Variants in RBFOX1 observed in about 807,000 individuals in gnomAD.
RBFOX1 encodes the protein RNA binding protein fox-1 homolog 1.
RBFOX1 carries 8 observed loss-of-function variants against 57.7 expected under a neutral mutation model. That is an observed-to-expected ratio of 0.14 (90% CI 0.08 to 0.25). The LOEUF is 0.25. Ranked by LOEUF, RBFOX1 falls within the 10% of genes least tolerant of loss-of-function variation. The probability of loss-of-function intolerance (pLI) is 1.00; values close to 1 mark genes in which losing one functional copy is unlikely to be tolerated. For missense variants in RBFOX1, 611 were observed against 548.5 expected (o/e 1.11, Z -1.14); for synonymous variants, 326 against 222.4 (o/e 1.47, Z -4.15).
intron 4 of RBFOX1, among the ~76,000 whole-genome samples, chr16:7,390,332 C>T (rs543852606): frequency 6.6e-6 from 1 of 152,252 alleles, no homozygotes; most frequent in Admixed American, 6.5e-5. Context: ...AGAGAGAATA[C>T]ATTATAATAA....
At chr16:5,672,967 G>T (rs910453102) in intron 3 of RBFOX1, among the ~76,000 whole-genome samples, 1 of 151,894 alleles carries the variant, frequency 6.6e-6, no homozygotes, top group Non-Finnish European at 1.5e-5. Flanking sequence ...AGGGAGCTTG[G>T]GGTTGGGTCA....
At chr16:6,256,953 A>G (rs1177402490) in intron 1 of RBFOX1, among the ~76,000 whole-genome samples, 1 of 152,260 alleles carries the variant, frequency 6.6e-6, no homozygotes, top group East Asian at 1.9e-4. Flanking sequence ...TGTGCACCCC[A>G]AAGCGTAAAC....
intron 2 of RBFOX1, among the ~76,000 whole-genome samples, chr16:6,623,224 A>T (rs2098258740): frequency 1.3e-5 from 2 of 152,086 alleles, no homozygotes; most frequent in Admixed American, 1.3e-4. Context: ...TCAATTTGAG[A>T]TTATCTGGGA....
At chr16:7,422,183 T>C (rs2098549456) in intron 4 of RBFOX1, among the ~76,000 whole-genome samples, 1 of 152,094 alleles carries the variant, frequency 6.6e-6, no homozygotes, top group Non-Finnish European at 1.5e-5. Flanking sequence ...CGTGTGCTTG[T>C]GCGAGTGAGA....
chr16:6,450,827 A>ACG (rs2094594312), intron 2 of RBFOX1, among the ~76,000 whole-genome samples: 1 of 35,842 alleles, frequency 2.8e-5, no homozygotes, highest in African/African-American at 1.4e-4. Context: ...ACATATATAT[A>ACG]TATATATATG....
intron 3 of RBFOX1, among the ~76,000 whole-genome samples, chr16:6,766,875 G>A (rs1040527694): frequency 6.6e-6 from 1 of 152,016 alleles, no homozygotes; most frequent in Non-Finnish European, 1.5e-5. Context: ...TGATGGAACA[G>A]CAAGTAAAAA....
chr16:7,292,086 A>G (rs951600528), intron 4 of RBFOX1, among the ~76,000 whole-genome samples: 1 of 136,880 alleles, frequency 7.3e-6, no homozygotes, highest in Admixed American at 7.9e-5. Flanking sequence ...TATATGATGT[A>G]TAATATATAA....
At chr16:6,413,228 A>AAG (rs1271287207) in intron 2 of RBFOX1, among the ~76,000 whole-genome samples, 1 of 151,822 alleles carries the variant, frequency 6.6e-6, no homozygotes, top group Non-Finnish European at 1.5e-5. Context: ...CTGAGGCATG[A>AAG]AGATCACTTG....
intron 1 of RBFOX1, among the ~76,000 whole-genome samples, chr16:6,064,904 C>A (rs2095739598): frequency 6.6e-6 from 1 of 151,934 alleles, no homozygotes; most frequent in Admixed American, 6.6e-5. Context: ...CATTTCAGAT[C>A]TCAAGACATG....
chr16:5,440,598 T>C (rs1040370292), intron 1 of RBFOX1, among the ~76,000 whole-genome samples: 2 of 152,210 alleles, frequency 1.3e-5, no homozygotes, highest in African/African-American at 4.8e-5. Context: ...GTCAATATTT[T>C]ATCCCTGTGA....
intron 1 of RBFOX1, among the ~76,000 whole-genome samples, chr16:5,389,905 C>T (rs2151416696): frequency 6.6e-6 from 1 of 151,976 alleles, no homozygotes; most frequent in East Asian, 1.9e-4. Context: ...ACCATGTTGC[C>T]CAGGCTGGTC....
At position 6,320,349 on chromosome 16, in the gene RBFOX1, G is replaced by C. The variant is rs1002918303; in HGVS notation, c.-64+3292G>C. Among the ~76,000 whole-genome samples, 10 of 152,174 alleles carry C rather than the reference G, an allele frequency of 6.6e-5. No individual in the cohort carries two copies. In the East Asian group the frequency reaches 1.9e-3, roughly 29 times the overall value. ...GGCTTCAGCATTTCCTGAAAAGTGG[G>C]AGGTTTTGTAAGTATTGGGTAGAGA... On this transcript the variant is annotated intron_variant, in intron 2 of 15. Coordinates refer to ENST00000550418, the MANE Select transcript of RBFOX1 (RefSeq NM_018723.4).
At chr16:6,228,707 G>T (rs2097435537) in intron 1 of RBFOX1, among the ~76,000 whole-genome samples, 1 of 152,164 alleles carries the variant, frequency 6.6e-6, no homozygotes, top group African/African-American at 2.4e-5. Flanking sequence ...AGGTAGGCGG[G>T]AGGAGTAAGT....
intron 3 of RBFOX1, among the ~76,000 whole-genome samples, chr16:6,946,455 A>G (rs754837604): frequency 1.3e-5 from 2 of 152,216 alleles, no homozygotes; most frequent in Non-Finnish European, 2.9e-5. Context: ...CCACTATGGT[A>G]ACTGGCTTGG....
At chr16:6,022,169 G>A (rs1203273153) in intron 1 of RBFOX1, among the ~76,000 whole-genome samples, 1 of 151,968 alleles carries the variant, frequency 6.6e-6, no homozygotes, top group Non-Finnish European at 1.5e-5. Context: ...TTAAGTTTTT[G>A]CAGCAGTTGT....
At chr16:6,394,658 A>T (rs1328677529) in intron 2 of RBFOX1, among the ~76,000 whole-genome samples, 2 of 149,742 alleles carry the variant, frequency 1.3e-5, no homozygotes, top group Non-Finnish European at 3.0e-5. Context: ...TATTAGATAT[A>T]TATATGATAT....
intron 3 of RBFOX1, among the ~76,000 whole-genome samples, chr16:6,872,165 A>G (rs1357243315): frequency 6.6e-6 from 1 of 152,204 alleles, no homozygotes; most frequent in Non-Finnish European, 1.5e-5. Context: ...CTGTGAGAGC[A>G]GTACTACGTC....
At chr16:7,101,581 G>A (rs2062701461) in intron 4 of RBFOX1, among the ~76,000 whole-genome samples, 1 of 152,126 alleles carries the variant, frequency 6.6e-6, no homozygotes, top group Non-Finnish European at 1.5e-5. Flanking sequence ...GGTGCTTTTG[G>A]AAAAGATCAT....
intron 3 of RBFOX1, among the ~76,000 whole-genome samples, chr16:5,755,311 T>C (rs2053353636): frequency 6.6e-6 from 1 of 151,892 alleles, no homozygotes; most frequent in African/African-American, 2.4e-5. Flanking sequence ...TACTTCTTTC[T>C]ACACAGACAC....
Sources: allele counts gnomAD v4.1 joint callset (sites outside exome capture counted in the v4.1 genomes callset), GRCh38; gene constraint gnomAD v4.1.1; transcripts MANE v1.5; gene names NCBI Gene and HGNC (gene_info 2026-07-23, HGNC 2026-07-21).